Variants in STXBP4 observed in about 807,000 individuals in gnomAD.
The protein encoded by STXBP4 is syntaxin-binding protein 4.
A neutral mutation model predicts 76.1 loss-of-function variants in STXBP4; 55 were observed. That is an observed-to-expected ratio of 0.72 (90% CI 0.58 to 0.91). The LOEUF is 0.91. Ranked by LOEUF, STXBP4 falls within the 40% of genes least tolerant of loss-of-function variation. The probability of loss-of-function intolerance (pLI) is 0.00; values close to 1 mark genes in which losing one functional copy is unlikely to be tolerated. For missense variants in STXBP4, 618 were observed against 636.9 expected, an observed-to-expected ratio of 0.97 and a Z score of 0.32; for synonymous variants, 201 against 220.2, an observed-to-expected ratio of 0.91 and a Z score of 0.77.
Position 55,109,624 on chromosome 17 carries a change from C to CT in STXBP4, c.1489+28464dup, listed in dbSNP as rs551292679. Among the ~76,000 whole-genome samples, 452 of 114,332 alleles carry CT rather than the reference C, an allele frequency of 4.0e-3. 5 individuals carry two copies. The highest frequency in any genetic ancestry group is 0.023 in the South Asian group (78 of 3,374). The allele number at this position is 114,332 out of a possible 152,430, so 75.0% of individuals were successfully genotyped here. The stretch of plus-strand genomic sequence containing the variant: ...TACCAAATGGCCACAAACTCAATGT[C>CT]TTTTTTTTTTTTTTTTTTTTTTTAT... On this transcript the variant is annotated intron_variant, in intron 16 of 17. Coordinates refer to ENST00000376352, the MANE Select transcript of STXBP4 (RefSeq NM_178509.6).
At chr17:55,118,213 G>A (rs1359860841) in intron 16 of STXBP4, among the ~76,000 whole-genome samples, 1 of 151,946 alleles carries the variant, frequency 6.6e-6, no homozygotes, top group Non-Finnish European at 1.5e-5. Flanking sequence ...AGGAAGTGCT[G>A]TGACTGTAGT....
intron 12 of STXBP4, among the ~76,000 whole-genome samples, chr17:55,070,251 TC>T (rs2079104700): frequency 6.6e-6 from 1 of 152,138 alleles, no homozygotes; most frequent in South Asian, 2.1e-4. Flanking sequence ...AATAGACATA[TC>T]CATGGCAGTG....
chr17:55,094,485 C>A (rs12453699), intron 16 of STXBP4, among the ~76,000 whole-genome samples: 54,269 of 151,966 alleles, frequency 0.36, 10,790 homozygotes, highest in East Asian at 0.54. Context: ...TTTGAAGTAA[C>A]AGCTAACAAA....
At chr17:55,011,607 G>C (rs768545017) in intron 8 of STXBP4, among the ~76,000 whole-genome samples, 1 of 145,068 alleles carries the variant, frequency 6.9e-6, no homozygotes, top group African/African-American at 2.6e-5. Context: ...GAATGCATGA[G>C]TTTATATCCC....
chr17:55,086,408 A>G (rs1194445108), intron 16 of STXBP4, among the ~76,000 whole-genome samples: 1 of 152,108 alleles, frequency 6.6e-6, no homozygotes, highest in Non-Finnish European at 1.5e-5. Context: ...AACATTCAAT[A>G]TCCTCCTTCT....
intron 1 of STXBP4, among the ~76,000 whole-genome samples, chr17:54,979,506 C>G (rs551600000): frequency 1.8e-4 from 28 of 152,244 alleles, no homozygotes; most frequent in Admixed American, 1.6e-3. Context: ...TCCTTTAGCC[C>G]CTTTCTTTTC....
intron 17 of STXBP4, among the ~76,000 whole-genome samples, chr17:55,158,653 T>G (rs2080306907): frequency 6.6e-6 from 1 of 152,218 alleles, no homozygotes; most frequent in Non-Finnish European, 1.5e-5. Flanking sequence ...ACATACCCAA[T>G]ATCTTTTGTA....
intron 12 of STXBP4, among the ~76,000 whole-genome samples, chr17:55,052,908 G>A (rs2078876408): frequency 1.1e-5 from 1 of 92,162 alleles, no homozygotes; most frequent in South Asian, 4.2e-4. Flanking sequence ...AAAAAAAGAC[G>A]TGTATGACGT....
chr17:55,113,851 G>T (rs1156795817), intron 16 of STXBP4, among the ~76,000 whole-genome samples: 1 of 151,906 alleles, frequency 6.6e-6, no homozygotes, highest in Non-Finnish European at 1.5e-5. Flanking sequence ...TTTGCATAAT[G>T]AAAGAAGCAG....
intron 8 of STXBP4, among the ~76,000 whole-genome samples, chr17:55,011,543 T>C (rs934073301): frequency 3.3e-5 from 4 of 120,686 alleles, no homozygotes; most frequent in Non-Finnish European, 4.9e-5. Context: ...CAAGATTTAA[T>C]AGAGCTCCCA....
chr17:55,098,101 T>C (rs2079516615), intron 16 of STXBP4, among the ~76,000 whole-genome samples: 1 of 152,008 alleles, frequency 6.6e-6, no homozygotes, highest in Admixed American at 6.6e-5. Context: ...CCGCACCTCC[T>C]TTTTTTTGAG....
At chr17:55,042,420 A>T (rs912883137) in intron 10 of STXBP4, among the ~76,000 whole-genome samples, 15 of 151,638 alleles carry the variant, frequency 9.9e-5, no homozygotes, top group Non-Finnish European at 1.0e-4. Flanking sequence ...TGTTTTTATT[A>T]TTTTTTTTCT....
intron 1 of STXBP4, among the ~76,000 whole-genome samples, chr17:54,977,452 G>T (rs1476106250): frequency 6.6e-6 from 1 of 152,130 alleles, no homozygotes; most frequent in African/African-American, 2.4e-5. Flanking sequence ...ATCTAGGGAT[G>T]ATTTAAAATA....
intron 17 of STXBP4, among the ~76,000 whole-genome samples, chr17:55,158,760 GAT>G (rs1456352301): frequency 6.6e-6 from 1 of 152,204 alleles, no homozygotes; most frequent in Non-Finnish European, 1.5e-5. Context: ...CAAATTCAGA[GAT>G]AAGAAATATA....
chr17:54,994,076 A>C (rs2077760513), intron 4 of STXBP4, among the ~76,000 whole-genome samples: 1 of 152,190 alleles, frequency 6.6e-6, no homozygotes, highest in Non-Finnish European at 1.5e-5. Context: ...TTATGAATAC[A>C]TCTTTTCAGT....
At chr17:55,157,656 G>T (rs868521414) in intron 17 of STXBP4, among the ~76,000 whole-genome samples, 1 of 152,090 alleles carries the variant, frequency 6.6e-6, no homozygotes, top group Non-Finnish European at 1.5e-5. Context: ...TAATAAAACC[G>T]CTAGTAATCT....
At chr17:55,103,842 C>A (rs926732684) in intron 16 of STXBP4, among the ~76,000 whole-genome samples, 2 of 152,150 alleles carry the variant, frequency 1.3e-5, no homozygotes, top group Admixed American at 6.5e-5. Flanking sequence ...AGGCCCTTCA[C>A]CTCCATTGTA....
Position 55,058,889 on chromosome 17 carries a change from A to T in STXBP4, c.1011+11735A>T, listed in dbSNP as rs369608786. On this transcript the variant is annotated intron_variant, in intron 12 of 17. Coordinates refer to ENST00000376352, the MANE Select transcript of STXBP4 (RefSeq NM_178509.6). The stretch of plus-strand genomic sequence containing the variant: ...ACTAATTTTATTTATTTATTTTTTT[A>T]ACTGCTAATACGAAACTTCTTATCA... 2.9e-4 allele frequency among the ~76,000 whole-genome samples: 44 copies of T among 152,186 alleles called. 1 individual carries two copies. Among genetic ancestry groups the T allele is most frequent in the Middle Eastern group, 6.8e-3 (2 of 294 alleles).
At chr17:55,011,537 A>G (rs1173462490) in intron 8 of STXBP4, among the ~76,000 whole-genome samples, 1 of 83,108 alleles carries the variant, frequency 1.2e-5, no homozygotes, top group Non-Finnish European at 2.1e-5. Flanking sequence ...CAGTTGCAAG[A>G]TTTAATAGAG....
Sources: allele counts gnomAD v4.1 joint callset (sites outside exome capture counted in the v4.1 genomes callset), GRCh38; gene constraint gnomAD v4.1.1; transcripts MANE v1.5; gene names NCBI Gene and HGNC (gene_info 2026-07-23, HGNC 2026-07-21).